The following SYT5 variants were observed in gnomAD, a reference collection of about 807,000 sequenced individuals.
SYT5 encodes synaptotagmin-5.
A neutral mutation model predicts 36.0 loss-of-function variants in SYT5; 29 were observed. That is an observed-to-expected ratio of 0.81 (90% CI 0.60 to 1.10). The LOEUF is 1.10. Among genes scored for constraint, SYT5 ranks in the 50% least tolerant of loss-of-function variants. The pLI is 0.00. For synonymous variants in SYT5, 231 were observed against 227.6 expected, an observed-to-expected ratio of 1.02 and a Z score of -0.14; for missense variants, 512 against 516.0, an observed-to-expected ratio of 0.99 and a Z score of 0.08.
rs1403794670 is a variant in SYT5 at position 55,173,789 on chromosome 19, G to T, written c.961-105C>A. ...CTGAGGGTACCTCTCGCTGCCACCC[G>T]AGGGCTCGGGGCCCCGGAGCTCGGG... On this transcript the variant is annotated intron_variant, in intron 8 of 8. Coordinates refer to ENST00000354308, the MANE Select transcript of SYT5 (RefSeq NM_003180.3). This position sits in a 1 kb window ranked among gnomAD's most constrained non-coding sequence, Gnocchi z 5.4. 1.6e-6 allele frequency: 2 copies of T among 1,229,418 alleles called. No homozygotes were observed. The highest frequency in any genetic ancestry group is 3.2e-5 in the East Asian group (1 of 31,456). The allele number at this position is 1,229,418 out of a possible 1,614,324, so 76.2% of individuals were successfully genotyped here. A position where few individuals can be genotyped will look rare whatever the true frequency, so the allele number is the denominator to read the frequency against.
chr19:55,173,796 C>T lies in SYT5; in HGVS notation c.961-112G>A, dbSNP rs2086033336. On this transcript the variant is annotated intron_variant, in intron 8 of 8. Transcript: ENST00000354308. The surrounding 1 kb of genome is among the most constrained non-coding windows in gnomAD (Gnocchi z 5.4). Reference sequence around the variant, plus strand: ...TACCTCTCGCTGCCACCCGAGGGCTCGGGGCCCCGGAGCTCGGGACGGGGG... The same window carrying T: ...TACCTCTCGCTGCCACCCGAGGGCTTGGGGCCCCGGAGCTCGGGACGGGGG... 1.7e-6 allele frequency: 2 copies of T among 1,171,502 alleles called. No homozygotes were observed. 72.6% of individuals were successfully genotyped at this position (1,171,502 alleles called of 1,614,324 possible). A position where few individuals can be genotyped will look rare whatever the true frequency, so the allele number is the denominator to read the frequency against.
rs1354633331 is a variant in SYT5, at chr19:55,180,247, C to G, written c.-176G>C. ...GCGGAGCTCTCCGGGGCGGGGGAGCCGCGGAGCGGAGCAGGATCCCGTGCG... is the reference window on the plus strand; with the variant it reads ...GCGGAGCTCTCCGGGGCGGGGGAGCGGCGGAGCGGAGCAGGATCCCGTGCG... On this transcript the variant is annotated 5_prime_UTR_variant, in exon 1 of 9. Transcript: ENST00000354308. The G allele has an allele frequency of 6.6e-6, 1 of 152,376 alleles. No individual in the cohort carries two copies. Among genetic ancestry groups the G allele is most frequent in the African/African-American group, 2.4e-5 (1 of 41,420 alleles). The allele number at this position is 152,376 out of a possible 1,614,324, so 9.4% of individuals were successfully genotyped here.
At chr19:55,178,917 C>G (rs2086110373) in intron 2 of SYT5, 46 bp downstream of exon 2, 1 of 1,423,998 alleles carries the variant, frequency 7.0e-7, no homozygotes, top group Non-Finnish European at 9.2e-7. Flanking sequence ...GGAATCCTGG[C>G]CAGGCTTTCT....
At chr19:55,174,409 C>T (rs1384959086) in intron 8 of SYT5, 108 bp downstream of exon 8, 2 of 1,409,146 alleles carry the variant, frequency 1.4e-6, no homozygotes, top group Admixed American at 4.4e-5. Flanking sequence ...AGCATAACCT[C>T]AGACCCCCTC....
rs776473736 is a variant in SYT5, at chr19:55,175,131, G to A, written c.708+41C>T. 6.3e-7 allele frequency: 1 copy of A among 1,578,130 alleles called. No homozygotes were observed. Among genetic ancestry groups the A allele is most frequent in the Non-Finnish European group, 8.6e-7 (1 of 1,167,038 alleles). On this transcript the variant is annotated intron_variant, in intron 6 of 8. Transcript: ENST00000354308. The surrounding 1 kb of genome is among the most constrained non-coding windows in gnomAD (Gnocchi z 4.5). ...GCTCAGGATGTTGTGGGCGGGACTG[G>A]GCCTGGGGGCGTGGCTCGGGGCGCG... is the stretch of plus-strand genomic sequence containing the variant.
Position 55,173,849 on chromosome 19 carries a change from C to T in SYT5, c.961-165G>A, listed in dbSNP as rs1224095394. ...GGGGTGGGAGACGAGAGGGACGGAG[C>T]CTGCGGCGAGGAGGAGGCTCTGGCG... is the stretch of plus-strand genomic sequence containing the variant. On this transcript the variant is annotated intron_variant, in intron 8 of 8. Transcript: ENST00000354308. The surrounding 1 kb of genome is among the most constrained non-coding windows in gnomAD (Gnocchi z 5.4). The T allele has an allele frequency of 1.3e-5, 8 of 626,580 alleles. No individual in the cohort carries two copies. Among genetic ancestry groups the T allele is most frequent in the African/African-American group, 1.9e-5 (1 of 52,336 alleles). The allele number at this position is 626,580 out of a possible 1,614,324, so 38.8% of individuals were successfully genotyped here.
Position 55,179,501 on chromosome 19 carries a change from G to A in SYT5, c.-45-415C>T, listed in dbSNP as rs1041017817. ...ACGGGCGGGGCTGACGCACAGACGC[G>A]GAGTCCCGGCGGGGCAGGCTCGCTC... On this transcript the variant is annotated intron_variant, in intron 1 of 8. Coordinates refer to ENST00000354308, the MANE Select transcript of SYT5 (RefSeq NM_003180.3). This position sits in a 1 kb window ranked among gnomAD's most constrained non-coding sequence, Gnocchi z 4.5. 1.0e-5 allele frequency: 3 copies of A among 293,572 alleles called. No homozygotes were observed. Among genetic ancestry groups the A allele is most frequent in the Non-Finnish European group, 1.3e-5 (2 of 159,240 alleles). The allele number at this position is 293,572 out of a possible 1,614,324, so 18.2% of individuals were successfully genotyped here. A position where few individuals can be genotyped will look rare whatever the true frequency, so the allele number is the denominator to read the frequency against.
chr19:55,179,499 G>A lies in SYT5; in HGVS notation c.-45-413C>T. 1 of 295,048 alleles carries A rather than the reference G, an allele frequency of 3.4e-6. No homozygotes were observed. Among genetic ancestry groups the A allele is most frequent in the South Asian group, 1.3e-4 (1 of 7,548 alleles). 18.3% of individuals were successfully genotyped at this position (295,048 alleles called of 1,614,324 possible). A position where few individuals can be genotyped will look rare whatever the true frequency, so the allele number is the denominator to read the frequency against. ...CAACGGGCGGGGCTGACGCACAGACGCGGAGTCCCGGCGGGGCAGGCTCGC... is the reference window on the plus strand; with the variant it reads ...CAACGGGCGGGGCTGACGCACAGACACGGAGTCCCGGCGGGGCAGGCTCGC... On this transcript the variant is annotated intron_variant, in intron 1 of 8. Transcript: ENST00000354308. The surrounding 1 kb of genome is among the most constrained non-coding windows in gnomAD (Gnocchi z 4.5).
intron 2 of SYT5, 142 bp downstream of exon 2, chr19:55,178,821 C>T (rs930897852): frequency 2.6e-4 from 102 of 394,306 alleles, no homozygotes; most frequent in Non-Finnish European, 3.2e-4. Context: ...ATTTCGTTCG[C>T]ATTCCAGTCC....
Position 55,178,340 on chromosome 19 carries a change from C to T in SYT5, c.108G>A (p.Val36=), listed in dbSNP as rs1282386333. 6.2e-7 allele frequency: 1 copy of T among 1,612,052 alleles called. No homozygotes were observed. Among genetic ancestry groups the T allele is most frequent in the Admixed American group, 1.7e-5 (1 of 59,728 alleles). The change falls in exon 3 of 9, where the codon GTG becomes GTA. Residue 36 remains valine, a synonymous_variant. Coordinates refer to ENST00000354308, the MANE Select transcript of SYT5 (RefSeq NM_003180.3). ...TGAAGATGAGGAGGCCTGAGACCAG[C>T]ACGATGGTGGCCAGGGCCCAGGGGG... ...PVPPWALATI[V]LVSGLLIFSC... is the part of the protein sequence containing the mutation.
rs555752007 is a variant in SYT5, at chr19:55,178,318, A to G, written c.130T>C (p.Phe44Leu). ...CGGTAGAGACAGAAACAGCAGCTGA[A>G]GATGAGGAGGCCTGAGACCAGCACG... is the stretch of plus-strand genomic sequence containing the variant. ...TIVLVSGLLI[F>L]SCCFCLYRKS... Residue 44 changes from phenylalanine to leucine, a missense_variant, in exon 3 of 9, where the codon TTC becomes CTC. By Grantham distance (22) the Phe-to-Leu change is conservative. Coordinates refer to ENST00000354308, the MANE Select transcript of SYT5 (RefSeq NM_003180.3). The G allele has an allele frequency of 5.0e-6, 8 of 1,612,130 alleles. No individual in the cohort carries two copies. In the African/African-American group the frequency reaches 5.3e-5, roughly 11 times the overall value.
chr19:55,175,272 C>A lies in SYT5; in HGVS notation c.608G>T (p.Arg203Leu), dbSNP rs1050156463. 1.2e-6 allele frequency: 2 copies of A among 1,600,316 alleles called. No individual in the cohort carries two copies. The highest frequency in any genetic ancestry group is 1.7e-6 in the Non-Finnish European group (2 of 1,174,800). ...MAVYDFDRFS[R>L]NDAIGEVRVP... ...CCGCACCTCCCCGATGGCGTCATTGCGAGAGAAGCGGTCGAAGTCGTACAC... is the reference window on the plus strand; with the variant it reads ...CCGCACCTCCCCGATGGCGTCATTGAGAGAGAAGCGGTCGAAGTCGTACAC... Residue 203 changes from arginine to leucine, a missense_variant, in exon 6 of 9, where the codon CGC (arginine) becomes CTC (leucine). Transcript: ENST00000354308. This position sits in a 1 kb window ranked among gnomAD's most constrained non-coding sequence, Gnocchi z 4.5.
At chr19:55,178,488 A>G in intron 2 of SYT5, 120 bp from the exon 3 acceptor site, 1 of 1,204,168 alleles carries the variant, frequency 8.3e-7, no homozygotes, top group Non-Finnish European at 1.1e-6. Flanking sequence ...TTTTCATTGC[A>G]TTTCTTCCTG....
chr19:55,178,190 C>T lies in SYT5; in HGVS notation c.252+6G>A, dbSNP rs772462763. 26 of 1,605,224 alleles carry T rather than the reference C, an allele frequency of 1.6e-5. No homozygotes were observed. The highest frequency in any genetic ancestry group is 4.5e-5 in the East Asian group (2 of 44,658). ...GGCCAGGTGGAGGGGCTGGGCTGGG[C>T]CACACCTTGTCTATGTAACTCTGGC... On this transcript the variant is annotated splice_donor_region_variant and intron_variant, in intron 3 of 8. Coordinates refer to ENST00000354308, the MANE Select transcript of SYT5 (RefSeq NM_003180.3).
At chr19:55,174,182 G>A (rs1180276974) in intron 8 of SYT5, among the ~76,000 whole-genome samples, 1 of 151,072 alleles carries the variant, frequency 6.6e-6, no homozygotes, top group Non-Finnish European at 1.5e-5. Context: ...CTGCTTGGGG[G>A]CGGGGCATCC....
In SYT5 at chr19:55,178,413, G is replaced by T. The variant is rs200417863; in HGVS notation, c.80-45C>A. ...ACACACATTGAGGCCTGGGCAGCAC[G>T]CAGGCTGATTCAGTCCTGATTACAC... On this transcript the variant is annotated intron_variant, in intron 2 of 8. Transcript: ENST00000354308. 6 of 1,574,450 alleles carry T rather than the reference G, an allele frequency of 3.8e-6. No individual in the cohort carries two copies. In the African/African-American group the frequency reaches 8.1e-5, roughly 21 times the overall value.
In SYT5 at chr19:55,175,032, G is replaced by A. The variant is rs117487194; in HGVS notation, c.709-33C>T. 3,373 of 1,606,660 alleles carry A rather than the reference G, an allele frequency of 2.1e-3. 37 individuals carry two copies. The highest frequency in any genetic ancestry group is 0.02 in the East Asian group (918 of 44,852). Reference sequence around the variant, plus strand: ...GAGAGGGGCCCATCACCAGAGCCCCGGCTCCACATCCATGCCTCCTCAGGG... The same window carrying A: ...GAGAGGGGCCCATCACCAGAGCCCCAGCTCCACATCCATGCCTCCTCAGGG... On this transcript the variant is annotated intron_variant, in intron 6 of 8. Transcript: ENST00000354308. The surrounding 1 kb of genome is among the most constrained non-coding windows in gnomAD (Gnocchi z 4.5).
Position 55,178,204 on chromosome 19 carries a change from T to G in SYT5, c.244A>C (p.Ile82Leu). ...GCTGGGCTGGGCCACACCTTGTCTA[T>G]GTAACTCTGGCCCAGCCCCTTCACT... Reference protein sequence around the residue: ...QEVKGLGQSYIDKVQPEVEEL... With the variant: ...QEVKGLGQSYLDKVQPEVEEL... The change falls in exon 3 of 9, where the codon ATA becomes CTA. Residue 82 changes from isoleucine to leucine, a missense_variant. Transcript: ENST00000354308. 1 of 1,607,510 alleles carries G rather than the reference T, an allele frequency of 6.2e-7. No individual in the cohort carries two copies. Among genetic ancestry groups the G allele is most frequent in the African/African-American group, 1.3e-5 (1 of 75,004 alleles).
At chr19:55,177,264 G>C (rs894862527) in intron 3 of SYT5, 2 of 152,224 alleles carry the variant, frequency 1.3e-5, no homozygotes, top group Non-Finnish European at 2.9e-5. Context: ...TCACTCCAGA[G>C]TGCAGCTATT....
Sources: gnomAD v4.1 joint callset for allele counts (sites outside exome capture counted in the v4.1 genomes callset) on GRCh38, gnomAD v4.1.1 for gene constraint, Gnocchi (gnomAD v3.1) non-coding constraint, MANE v1.5 for transcripts, NCBI Gene and HGNC (gene_info 2026-07-23, HGNC 2026-07-21) for gene names.